CEP162: variants seen among roughly 807,000 people sequenced by gnomAD.
The protein encoded by CEP162 is centrosomal protein 162.
Under a neutral mutation model 169.2 loss-of-function variants are expected in CEP162, and 141 were observed. The observed-to-expected ratio is 0.83, with a 90% CI of 0.73 to 0.96. The LOEUF (loss-of-function observed/expected upper bound fraction) is 0.96, where lower values mean the gene tolerates loss of function less well. Ranked by LOEUF, CEP162 falls within the 40% of genes least tolerant of loss-of-function variation. The pLI, the probability that CEP162 is intolerant of heterozygous loss-of-function variation, is 0.00. For missense variants in CEP162, 1,600 were observed against 1,587.2 expected (o/e 1.01, Z -0.14); for synonymous variants, 540 against 526.4 (o/e 1.03, Z -0.35).
At chr6:84,201,904 GC>G in intron 7 of CEP162, 137 bp from the exon 8 acceptor site, 1 of 501,538 alleles carries the variant, frequency 2.0e-6, no homozygotes, top group East Asian at 3.6e-5. Context: ...TGTTTTCTAG[GC>G]TTCTTTCACC....
chr6:84,226,534 T>C lies in CEP162; in HGVS notation c.-59-82A>G, dbSNP rs2099555816. The C allele has an allele frequency of 1.1e-5, 7 of 663,490 alleles. No individual in the cohort carries two copies. In the East Asian group the frequency reaches 1.9e-4, roughly 18 times the overall value. 41.1% of individuals were successfully genotyped at this position (663,490 alleles called of 1,614,324 possible). On this transcript the variant is annotated intron_variant, in intron 1 of 26. Transcript: ENST00000403245. ...ACCAGACTTAAACTTCGGACATTTG[T>C]TATGATTCAGTATATATGCACAATT...
intron 25 of CEP162, among the ~76,000 whole-genome samples, chr6:84,131,819 T>C (rs892693302): frequency 1.3e-5 from 2 of 152,138 alleles, no homozygotes; most frequent in Non-Finnish European, 2.9e-5. Context: ...TGTCTTTTAA[T>C]TGGAGCATTT....
chr6:84,171,786 C>T lies in CEP162; in HGVS notation c.2167-68G>A, dbSNP rs1199529280. ...GTACTTATATAACATAATATATGTG[C>T]TCATAATAGATTAATCCTTTAAACG... On this transcript the variant is annotated intron_variant, in intron 16 of 26. Coordinates refer to ENST00000403245, the MANE Select transcript of CEP162 (RefSeq NM_014895.4). 5.5e-6 allele frequency: 3 copies of T among 548,842 alleles called. No homozygotes were observed. In the African/African-American group the frequency reaches 5.9e-5, roughly 11 times the overall value. 34.0% of individuals were successfully genotyped at this position (548,842 alleles called of 1,614,324 possible). A position where few individuals can be genotyped will look rare whatever the true frequency, so the allele number is the denominator to read the frequency against.
intron 9 of CEP162, among the ~76,000 whole-genome samples, chr6:84,199,009 T>C (rs550334049): frequency 1.3e-5 from 2 of 152,390 alleles, no homozygotes; most frequent in South Asian, 4.1e-4. Context: ...TCTTTTTTAC[T>C]GGTTTTAATG....
chr6:84,160,999 C>T (rs2099525527), intron 20 of CEP162, 83 bp from the exon 21 acceptor site: 5 of 901,550 alleles, frequency 5.5e-6, no homozygotes, highest in Admixed American at 4.0e-5. Context: ...TATTAGTGCA[C>T]TCATACATTT....
chr6:84,152,895 T>C lies in CEP162; in HGVS notation c.3279A>G (p.Glu1093=). The C allele has an allele frequency of 6.2e-7, 1 of 1,613,780 alleles. No homozygotes were observed. Residue 1093 remains glutamate, a synonymous_variant, in exon 23 of 27, where the codon GAA becomes GAG. Transcript: ENST00000403245. Reference sequence around the variant, plus strand: ...GTATTTCTCTCTTTTTTGCAGCCAGTTCTTCATTGAGTCTTACTAATTTAG... The same window carrying C: ...GTATTTCTCTCTTTTTTGCAGCCAGCTCTTCATTGAGTCTTACTAATTTAG... The part of the protein sequence containing the change: ...AKAKLVRLNE[E]LAAKKREIQD...
Position 84,152,924 on chromosome 6 carries a change from T to C in CEP162, c.3250A>G (p.Lys1084Glu). ...TCATTGAGTCTTACTAATTTAGCTT[T>C]AGCATGAGCCTGTTCCACCTGGAAT... ...IEFQVEQAHA[K>E]AKLVRLNEEL... Residue 1084 changes from lysine to glutamate, a missense_variant, in exon 23 of 27, where the codon AAA (lysine) becomes GAA (glutamate). Coordinates refer to ENST00000403245, the MANE Select transcript of CEP162 (RefSeq NM_014895.4). 2.5e-6 allele frequency: 4 copies of C among 1,613,786 alleles called. 1 individual carries two copies. In the South Asian group the frequency reaches 3.3e-5, roughly 13 times the overall value.
At chr6:84,220,298 G>A (rs994756498) in intron 3 of CEP162, among the ~76,000 whole-genome samples, 3 of 152,082 alleles carry the variant, frequency 2.0e-5, no homozygotes, top group East Asian at 1.9e-4. Flanking sequence ...AGAAGCAGTC[G>A]GGGTTGTTTA....
At chr6:84,148,817 G>A (rs559746336) in intron 24 of CEP162, among the ~76,000 whole-genome samples, 1 of 152,086 alleles carries the variant, frequency 6.6e-6, no homozygotes, top group East Asian at 1.9e-4. Context: ...AACCCAAAAG[G>A]TGGCTGATTT....
intron 25 of CEP162, among the ~76,000 whole-genome samples, chr6:84,128,897 T>G (rs1408884118): frequency 1.3e-5 from 2 of 151,380 alleles, no homozygotes; most frequent in African/African-American, 4.9e-5. Flanking sequence ...TATGTCACTG[T>G]GTTCTCATTG....
intron 21 of CEP162, among the ~76,000 whole-genome samples, chr6:84,155,747 A>G (rs900033265): frequency 6.6e-6 from 1 of 152,184 alleles, no homozygotes; most frequent in South Asian, 2.1e-4. Flanking sequence ...AAACAAATAG[A>G]AAAACATCCC....
intron 16 of CEP162, 45 bp downstream of exon 16, chr6:84,174,003 A>G (rs1243269755): frequency 1.3e-6 from 2 of 1,555,548 alleles, no homozygotes; most frequent in Non-Finnish European, 1.8e-6. Flanking sequence ...TTTTATAACT[A>G]AAAGATCAAG....
At chr6:84,186,252 C>A in intron 12 of CEP162, 80 bp downstream of exon 12, 1 of 760,426 alleles carries the variant, frequency 1.3e-6, no homozygotes, top group Non-Finnish European at 2.1e-6. Context: ...TTAAAAAGCA[C>A]ACACCTACCA....
chr6:84,161,805 C>A lies in CEP162; in HGVS notation c.2617G>T (p.Asp873Tyr), dbSNP rs754844773. 1.2e-6 allele frequency: 2 copies of A among 1,602,228 alleles called. No homozygotes were observed. Among genetic ancestry groups the A allele is most frequent in the Non-Finnish European group, 1.7e-6 (2 of 1,173,384 alleles). ...QWYAENQELL[D>Y]KDALRLREAN... is the part of the protein sequence containing the mutation. Reference sequence around the variant, plus strand: ...TCTCTAAGCCGAAGTGCATCTTTATCCAGAAGTTCCTGATTTTCAGCATAC... The same window carrying A: ...TCTCTAAGCCGAAGTGCATCTTTATACAGAAGTTCCTGATTTTCAGCATAC... The change falls in exon 20 of 27, where the codon GAT becomes TAT. Residue 873 changes from aspartate (D) to tyrosine (Y), a missense_variant. Transcript: ENST00000403245.
At chr6:84,178,674 T>G (rs1476773842) in intron 13 of CEP162, among the ~76,000 whole-genome samples, 1 of 152,164 alleles carries the variant, frequency 6.6e-6, no homozygotes, top group Non-Finnish European at 1.5e-5. Flanking sequence ...TTTTTTAAAT[T>G]TTTTATTTAA....
At chr6:84,191,402 G>A (rs192722551) in intron 11 of CEP162, among the ~76,000 whole-genome samples, 2 of 152,240 alleles carry the variant, frequency 1.3e-5, no homozygotes, top group East Asian at 1.9e-4. Context: ...ACCTAATCAA[G>A]GAAAATAAAC....
At chr6:84,223,803 A>G (rs1258851433) in intron 2 of CEP162, among the ~76,000 whole-genome samples, 1 of 151,956 alleles carries the variant, frequency 6.6e-6, no homozygotes, top group Non-Finnish European at 1.5e-5. Flanking sequence ...GCAATTTAGG[A>G]GGCTGAGGCA....
rs564544699 is a variant in CEP162 at position 84,202,006 on chromosome 6, T to C, written c.688-239A>G. 2.0e-5 allele frequency among the ~76,000 whole-genome samples: 3 copies of C among 152,320 alleles called. No homozygotes were observed. In the East Asian group the frequency reaches 5.8e-4, roughly 29 times the overall value. ...AAAACTTGGCAATTACCAAAATTAATTTAGACCTTAAAAATTCTTGCTTAA... is the reference window on the plus strand; with the variant it reads ...AAAACTTGGCAATTACCAAAATTAACTTAGACCTTAAAAATTCTTGCTTAA... On this transcript the variant is annotated intron_variant, in intron 7 of 26. Transcript: ENST00000403245.
chr6:84,153,118 T>A lies in CEP162; in HGVS notation c.3056A>T (p.His1019Leu). The change falls in exon 23 of 27, where the codon CAT (histidine) becomes CTT (leucine). Residue 1019 changes from histidine (H) to leucine (L), a missense_variant. By Grantham distance (99) the His-to-Leu change is moderately conservative (BLOSUM62 -3). Coordinates refer to ENST00000403245, the MANE Select transcript of CEP162 (RefSeq NM_014895.4). ...EQLLACKLNQ[H>L]DSPRIKALEK... The stretch of plus-strand genomic sequence containing the variant: ...TAGGGCTTTAATTCTGGGAGAGTCA[T>A]GTTGATTCAATTTGCAGGCAAGTAG... The A allele has an allele frequency of 6.2e-7, 1 of 1,611,050 alleles. No homozygotes were observed. Among genetic ancestry groups the A allele is most frequent in the Non-Finnish European group, 8.5e-7 (1 of 1,179,072 alleles).
Sources: gnomAD v4.1 joint callset for allele counts (sites outside exome capture counted in the v4.1 genomes callset) on GRCh38, gnomAD v4.1.1 for gene constraint, MANE v1.5 for transcripts, NCBI Gene and HGNC (gene_info 2026-07-23, HGNC 2026-07-21) for gene names.